Variants in FYN observed in about 807,000 individuals in gnomAD.
FYN encodes the protein FYN proto-oncogene, Src family tyrosine kinase, also known as tyrosine-protein kinase Fyn.
FYN carries 10 observed loss-of-function variants against 70.2 expected under a neutral mutation model. The ratio of observed to expected loss-of-function variants is 0.14; its 90% CI spans 0.09 to 0.24. The LOEUF (loss-of-function observed/expected upper bound fraction) is 0.24. Ranked by LOEUF, FYN falls within the 10% of genes least tolerant of loss-of-function variation. FYN has a pLI of 1.00. For missense variants in FYN, 319 were observed against 673.1 expected, an observed-to-expected ratio of 0.47 and a Z score of 5.82; for synonymous variants, 236 against 248.6, an observed-to-expected ratio of 0.95 and a Z score of 0.48.
chr6:111,714,463 A>G lies in FYN; in HGVS notation c.248-20T>C. The G allele has an allele frequency of 6.5e-7, 1 of 1,533,196 alleles. No individual in the cohort carries two copies. The highest frequency in any genetic ancestry group is 9.0e-7 in the Non-Finnish European group (1 of 1,106,828). 95.0% of individuals were successfully genotyped at this position (1,533,196 alleles called of 1,614,324 possible). ...TCACTCCTGCCGAAACGAAATTCACAAGAAGGGAGATTATTACACAAGGGG... is the reference window on the plus strand; with the variant it reads ...TCACTCCTGCCGAAACGAAATTCACGAGAAGGGAGATTATTACACAAGGGG... On this transcript the variant is annotated intron_variant, in intron 4 of 13. Transcript: ENST00000354650.
chr6:111,763,514 C>T (rs1159671639), intron 3 of FYN, among the ~76,000 whole-genome samples: 1 of 152,116 alleles, frequency 6.6e-6, no homozygotes, highest in Non-Finnish European at 1.5e-5. Flanking sequence ...TTTGTCTTGT[C>T]CACTGCTTGA....
At chr6:111,825,371 G>C (rs1451307859) in intron 2 of FYN, among the ~76,000 whole-genome samples, 1 of 152,170 alleles carries the variant, frequency 6.6e-6, no homozygotes. Context: ...AGCAACATAG[G>C]AGACAGAGCA....
intron 3 of FYN, among the ~76,000 whole-genome samples, chr6:111,750,800 C>T (rs1479380436): frequency 6.6e-6 from 1 of 151,500 alleles, no homozygotes. Flanking sequence ...CATGCGTTCC[C>T]GCCATTCCAT....
In FYN at chr6:111,673,044, G is replaced by T. The variant is rs555595680; in HGVS notation, c.1405+1455C>A. On this transcript the variant is annotated intron_variant, in intron 13 of 13. Transcript: ENST00000354650. ...AAACAACATTAACCTTTTCTCCCCA[G>T]TTGCATTTAACACACAGGGTGACTA... Among the ~76,000 whole-genome samples the T allele has an allele frequency of 2.0e-5, 3 of 152,244 alleles. No individual in the cohort carries two copies. In the East Asian group the frequency reaches 5.8e-4, roughly 29 times the overall value.
intron 7 of FYN, among the ~76,000 whole-genome samples, chr6:111,703,540 T>G (rs1054870194): frequency 2.0e-5 from 3 of 152,232 alleles, no homozygotes; most frequent in Non-Finnish European, 4.4e-5. Flanking sequence ...AGGCCACTAC[T>G]CTTTTCTTCC....
At chr6:111,755,210 A>G (rs1298515744) in intron 3 of FYN, among the ~76,000 whole-genome samples, 1 of 152,160 alleles carries the variant, frequency 6.6e-6, no homozygotes, top group Non-Finnish European at 1.5e-5. Flanking sequence ...AATAGCCCAT[A>G]GTGTGGATGC....
At chr6:111,718,977 GTACCTGC>G (rs1370734275) in intron 4 of FYN, among the ~76,000 whole-genome samples, 1 of 152,220 alleles carries the variant, frequency 6.6e-6, no homozygotes, top group Non-Finnish European at 1.5e-5. Context: ...AGGTGAAAAG[GTACCTGC>G]TGCCAGATGG....
At chr6:111,667,136 TTG>T (rs967343396) in intron 13 of FYN, among the ~76,000 whole-genome samples, 2 of 152,204 alleles carry the variant, frequency 1.3e-5, no homozygotes, top group African/African-American at 4.8e-5. Context: ...GTGTCTATTC[TTG>T]TGTGTGTGTT....
chr6:111,718,730 A>G (rs1158842599), intron 4 of FYN, among the ~76,000 whole-genome samples: 3 of 152,222 alleles, frequency 2.0e-5, no homozygotes, highest in African/African-American at 7.2e-5. Flanking sequence ...AAAGGTACTT[A>G]GCACGTATTC....
chr6:111,839,064 T>C (rs1773274470), intron 2 of FYN, among the ~76,000 whole-genome samples: 1 of 152,228 alleles, frequency 6.6e-6, no homozygotes, highest in Non-Finnish European at 1.5e-5. Flanking sequence ...CATTAGCTTC[T>C]GAACTGAAGT....
chr6:111,661,841 T>C lies in FYN; in HGVS notation c.1512A>G (p.Lys504=). 1 of 1,614,160 alleles carries C rather than the reference T, an allele frequency of 6.2e-7. No homozygotes were observed. The highest frequency in any genetic ancestry group is 8.5e-7 in the Non-Finnish European group (1 of 1,180,006). ...SLHELMIHCW[K]KDPEERPTFE... is the part of the protein sequence containing the mutation. ...AAGTGGGGCGTTCTTCAGGGTCCTTTTTCCAGCAGTGGATCATGAGCTCAT... is the reference window on the plus strand; with the variant it reads ...AAGTGGGGCGTTCTTCAGGGTCCTTCTTCCAGCAGTGGATCATGAGCTCAT... The change falls in exon 14 of 14, where the codon AAA becomes AAG. Residue 504 remains lysine (K), a synonymous_variant. Transcript: ENST00000354650. This position sits in a 1 kb window ranked among gnomAD's most constrained non-coding sequence, Gnocchi z 4.0.
chr6:111,760,298 G>C (rs1802946954), intron 3 of FYN, among the ~76,000 whole-genome samples: 1 of 152,086 alleles, frequency 6.6e-6, no homozygotes, highest in South Asian at 2.1e-4. Context: ...GCACTGCTTG[G>C]AGGAGGAAAT....
At chr6:111,820,284 A>G (rs1437359139) in intron 2 of FYN, among the ~76,000 whole-genome samples, 1 of 152,220 alleles carries the variant, frequency 6.6e-6, no homozygotes, top group Non-Finnish European at 1.5e-5. Context: ...GATAAATGAT[A>G]TTTTTATGAA....
chr6:111,738,806 G>A (rs758687181), intron 3 of FYN, among the ~76,000 whole-genome samples: 6 of 152,188 alleles, frequency 3.9e-5, no homozygotes, highest in Non-Finnish European at 7.3e-5. Context: ...ACTGAGGGGT[G>A]AGCCCTGTGA....
intron 3 of FYN, among the ~76,000 whole-genome samples, chr6:111,755,185 T>G (rs1000848266): frequency 6.6e-6 from 1 of 152,182 alleles, no homozygotes; most frequent in Non-Finnish European, 1.5e-5. Flanking sequence ...TTTGATACTT[T>G]TTTTGTTTTT....
At chr6:111,666,924 T>C (rs1798036459) in intron 13 of FYN, among the ~76,000 whole-genome samples, 2 of 152,172 alleles carry the variant, frequency 1.3e-5, no homozygotes, top group South Asian at 2.1e-4. Flanking sequence ...CTTTCAAACA[T>C]GGTCCCCGAC....
At chr6:111,682,166 C>A (rs1399932950) in intron 12 of FYN, among the ~76,000 whole-genome samples, 2 of 152,256 alleles carry the variant, frequency 1.3e-5, no homozygotes, top group South Asian at 4.1e-4. Flanking sequence ...CAAAGTAATT[C>A]TCTTCCTTTA....
chr6:111,740,504 T>C (rs985485210), intron 3 of FYN, among the ~76,000 whole-genome samples: 20 of 152,326 alleles, frequency 1.3e-4, no homozygotes, highest in African/African-American at 4.3e-4. Flanking sequence ...CTACTTTCCT[T>C]GCTTCCAATC....
rs1463454257 is a variant in FYN at position 111,727,603 on chromosome 6, T to A, written c.-11-7541A>T. Among the ~76,000 whole-genome samples the A allele has an allele frequency of 2.6e-5, 4 of 152,182 alleles. No individual in the cohort carries two copies. In the East Asian group the frequency reaches 7.7e-4, roughly 29 times the overall value. ...ATACACAATGCAGACACTAGCCACA[T>A]GCAATCATGGGAGAACAGAGCCTAC... On this transcript the variant is annotated intron_variant, in intron 3 of 13. Transcript: ENST00000354650.
Sources: allele counts gnomAD v4.1 joint callset (sites outside exome capture counted in the v4.1 genomes callset), GRCh38; gene constraint gnomAD v4.1.1; non-coding constraint Gnocchi (gnomAD v3.1); transcripts MANE v1.5; gene names NCBI Gene and HGNC (gene_info 2026-07-23, HGNC 2026-07-21).